The following SYN2 variants were observed in gnomAD, a reference collection of about 807,000 sequenced individuals.
The protein encoded by SYN2 is synapsin-2.
SYN2 carries 19 observed loss-of-function variants against 50.9 expected under a neutral mutation model. That is an observed-to-expected ratio of 0.37 (90% CI 0.26 to 0.55). The LOEUF (loss-of-function observed/expected upper bound fraction) is 0.55, where lower values mean the gene tolerates loss of function less well. Among genes scored for constraint, SYN2 ranks in the 20% least tolerant of loss-of-function variants. The pLI is 0.81. For synonymous variants in SYN2, 255 were observed against 224.9 expected, an observed-to-expected ratio of 1.13 and a Z score of -1.20; for missense variants, 587 against 576.4, an observed-to-expected ratio of 1.02 and a Z score of -0.19.
intron 1 of SYN2, among the ~76,000 whole-genome samples, chr3:12,007,181 G>A (rs1693818899): frequency 6.6e-6 from 1 of 152,194 alleles, no homozygotes; most frequent in African/African-American, 2.4e-5. Context: ...TAGAGAATTT[G>A]CCTTGCCCTG....
chr3:12,106,842 G>A (rs1444949332), intron 1 of SYN2, among the ~76,000 whole-genome samples: 6 of 152,094 alleles, frequency 3.9e-5, no homozygotes, highest in Non-Finnish European at 7.4e-5. Context: ...TAACATGATA[G>A]AGAACAGATA....
chr3:12,076,378 G>T (rs1007022893), intron 1 of SYN2, among the ~76,000 whole-genome samples: 1 of 151,970 alleles, frequency 6.6e-6, no homozygotes, highest in Admixed American at 6.6e-5. Context: ...TTTGAACCTA[G>T]AAGTAATTAT....
intron 3 of SYN2, among the ~76,000 whole-genome samples, chr3:12,142,812 T>TC (rs1697052580): frequency 6.6e-6 from 1 of 152,066 alleles, no homozygotes; most frequent in Admixed American, 6.6e-5. Context: ...CACTCTCTTC[T>TC]CCACCTCAAT....
intron 1 of SYN2, among the ~76,000 whole-genome samples, chr3:12,085,798 A>G (rs1025266003): frequency 3.3e-5 from 5 of 152,200 alleles, no homozygotes; most frequent in African/African-American, 1.2e-4. Context: ...GCCTATATCA[A>G]AAAAGAAAAA....
In SYN2 at chr3:12,169,874, C is replaced by A. The variant is rs1697899935; in HGVS notation, c.1276C>A (p.Pro426Thr). Reference protein sequence around the residue: ...QLLSRTPALSPQRPLTTQQPQ... With the variant: ...QLLSRTPALSTQRPLTTQQPQ... ...GCTGTCCAGGACTCCTGCCCTGTCTCCTCAGAGACCCCTAACAACCCAGCA... is the reference window on the plus strand; with the variant it reads ...GCTGTCCAGGACTCCTGCCCTGTCTACTCAGAGACCCCTAACAACCCAGCA... Residue 426 changes from proline to threonine, a missense_variant, in exon 10 of 13, where the codon CCT becomes ACT. Physicochemically the swap from Pro to Thr is conservative, Grantham distance 38. Coordinates refer to ENST00000621198, the MANE Select transcript of SYN2 (RefSeq NM_133625.6). 3 of 1,612,126 alleles carry A rather than the reference C, an allele frequency of 1.9e-6. No individual in the cohort carries two copies. The highest frequency in any genetic ancestry group is 2.5e-6 in the Non-Finnish European group (3 of 1,179,118).
chr3:12,120,679 C>T (rs895553557), intron 1 of SYN2, among the ~76,000 whole-genome samples: 1 of 152,172 alleles, frequency 6.6e-6, no homozygotes, highest in Admixed American at 6.5e-5. Context: ...TTCTGTTTTT[C>T]ACAGGCCTCT....
intron 5 of SYN2, among the ~76,000 whole-genome samples, chr3:12,158,436 C>G (rs1697524001): frequency 6.6e-6 from 1 of 152,190 alleles, no homozygotes; most frequent in African/African-American, 2.4e-5. Context: ...TGTGTAATGA[C>G]ACTCCATAAT....
At chr3:12,147,721 G>A (rs1697184931) in intron 4 of SYN2, among the ~76,000 whole-genome samples, 1 of 152,146 alleles carries the variant, frequency 6.6e-6, no homozygotes, top group Non-Finnish European at 1.5e-5. Flanking sequence ...GACCGAACCT[G>A]TGCCCCAGTT....
intron 1 of SYN2, among the ~76,000 whole-genome samples, chr3:12,018,898 A>T (rs1027529692): frequency 1.3e-5 from 2 of 152,206 alleles, no homozygotes; most frequent in African/African-American, 4.8e-5. Context: ...AGGTATGGTC[A>T]TGGGCACTTT....
intron 4 of SYN2, among the ~76,000 whole-genome samples, chr3:12,149,261 T>C (rs546880923): frequency 3.3e-5 from 5 of 152,126 alleles, no homozygotes; most frequent in Non-Finnish European, 7.4e-5. Flanking sequence ...CAGAGGTCGT[T>C]TGGCAGAGCT....
intron 3 of SYN2, among the ~76,000 whole-genome samples, chr3:12,142,977 G>C (rs917634173): frequency 3.3e-5 from 5 of 152,208 alleles, no homozygotes; most frequent in Non-Finnish European, 5.9e-5. Flanking sequence ...GTCCATCCGG[G>C]TGGGGAGTGA....
chr3:12,100,309 G>T (rs1696044169), intron 1 of SYN2, among the ~76,000 whole-genome samples: 1 of 152,136 alleles, frequency 6.6e-6, no homozygotes, highest in Non-Finnish European at 1.5e-5. Flanking sequence ...TAAAGAAATA[G>T]AATTGACAGT....
chr3:12,161,537 T>C lies in SYN2; in HGVS notation c.775-9T>C. 6.2e-7 allele frequency: 1 copy of C among 1,614,012 alleles called. No individual in the cohort carries two copies. Among genetic ancestry groups the C allele is most frequent in the South Asian group, 1.1e-5 (1 of 91,078 alleles). ...TCTGACAGTTTATTCATTTCTCTTC[T>C]GATTTCAGCTGACACTGCCCACGTT... On this transcript the variant is annotated splice_polypyrimidine_tract_variant and intron_variant, in intron 5 of 12. Transcript: ENST00000621198.
At chr3:12,077,804 A>G (rs1227311718) in intron 1 of SYN2, among the ~76,000 whole-genome samples, 1 of 152,192 alleles carries the variant, frequency 6.6e-6, no homozygotes, top group African/African-American at 2.4e-5. Context: ...TCTTTGTAAT[A>G]GAATGATTTA....
intron 1 of SYN2, among the ~76,000 whole-genome samples, chr3:12,106,211 A>G (rs1381445119): frequency 6.6e-6 from 1 of 152,162 alleles, no homozygotes; most frequent in Non-Finnish European, 1.5e-5. Context: ...TGGCCTTCTC[A>G]ATCTTTAACC....
intron 1 of SYN2, among the ~76,000 whole-genome samples, chr3:12,107,149 T>C (rs1696210767): frequency 6.6e-6 from 1 of 152,158 alleles, no homozygotes; most frequent in African/African-American, 2.4e-5. Flanking sequence ...ATGTGCCTTA[T>C]ACATTTTGAT....
intron 1 of SYN2, among the ~76,000 whole-genome samples, chr3:12,114,815 C>T (rs1306471844): frequency 6.6e-6 from 1 of 152,084 alleles, no homozygotes; most frequent in Admixed American, 6.5e-5. Context: ...AGAAGAGAAC[C>T]GTAATGTAGG....
intron 3 of SYN2, among the ~76,000 whole-genome samples, chr3:12,144,662 G>T (rs764473622): frequency 1.1e-4 from 17 of 152,210 alleles, no homozygotes; most frequent in Non-Finnish European, 1.8e-4. Flanking sequence ...TTAGAAAAAG[G>T]TAGTGCTTAG....
chr3:12,185,325 G>A (rs558421952), intron 11 of SYN2: 1 of 985,706 alleles, frequency 1.0e-6, no homozygotes, highest in South Asian at 4.7e-5. Flanking sequence ...CATGTTATCA[G>A]TGTGTACATC....
Sources: allele counts gnomAD v4.1 joint callset (sites outside exome capture counted in the v4.1 genomes callset), GRCh38; gene constraint gnomAD v4.1.1; transcripts MANE v1.5; gene names NCBI Gene and HGNC (gene_info 2026-07-23, HGNC 2026-07-21).